Variants in MACROH2A1 observed in about 807,000 individuals in gnomAD.
MACROH2A1 encodes macroH2A.1 histone.
MACROH2A1 carries 2 observed loss-of-function variants against 31.6 expected under a neutral mutation model. The observed-to-expected ratio is 0.06, with a 90% CI of 0.03 to 0.20. The LOEUF (loss-of-function observed/expected upper bound fraction) is 0.20, where lower values mean the gene tolerates loss of function less well. Ranked by LOEUF, MACROH2A1 falls within the 10% of genes least tolerant of loss-of-function variation. The pLI is 1.00. For missense variants in MACROH2A1, 230 were observed against 474.0 expected, an observed-to-expected ratio of 0.49 and a Z score of 4.78; for synonymous variants, 169 against 189.6, an observed-to-expected ratio of 0.89 and a Z score of 0.89.
At chr5:135,355,503 CAA>C (rs774660015) in intron 5 of MACROH2A1, 5 of 276,826 alleles carry the variant, frequency 1.8e-5, no homozygotes, top group Non-Finnish European at 3.6e-5. Context: ...AGCTGAGCCA[CAA>C]AAGTTTTTTT....
chr5:135,368,100 G>T (rs1763743431), intron 4 of MACROH2A1, among the ~76,000 whole-genome samples: 1 of 152,200 alleles, frequency 6.6e-6, no homozygotes, highest in South Asian at 2.1e-4. Flanking sequence ...GTGATTCTGG[G>T]CCTAAGGGTG....
chr5:135,336,787 T>C (rs534210558), intron 8 of MACROH2A1, among the ~76,000 whole-genome samples: 1 of 152,314 alleles, frequency 6.6e-6, no homozygotes, highest in East Asian at 1.9e-4. Flanking sequence ...CTGCCCTGAC[T>C]ATATTCACAG....
Position 135,367,485 on chromosome 5 carries a change from A to G in MACROH2A1, c.477+1921T>C, listed in dbSNP as rs13436280. 5.4e-3 allele frequency among the ~76,000 whole-genome samples: 826 copies of G among 152,362 alleles called. 8 individuals are homozygous for G. Among genetic ancestry groups the G allele is most frequent in the African/African-American group, 0.018 (762 of 41,590 alleles). ...GGAGCTAAAGACACCCCCACTCCAA[A>G]TACTTCAAGTCCAAAAAGTAAGATG... On this transcript the variant is annotated intron_variant, in intron 4 of 8. Coordinates refer to ENST00000511689, the MANE Select transcript of MACROH2A1 (RefSeq NM_138610.3).
rs540277562 is a variant in MACROH2A1, at chr5:135,398,041, T to C, written c.-34+1021A>G. On this transcript the variant is annotated intron_variant, in intron 1 of 8. Coordinates refer to ENST00000511689, the MANE Select transcript of MACROH2A1 (RefSeq NM_138610.3). This position sits in a 1 kb window ranked among gnomAD's most constrained non-coding sequence, Gnocchi z 4.6. ...GGTCATTAAAATCTTACAAGGCCTT[T>C]ATAGTCATTGTAATTGTTGAATTCA... Among the ~76,000 whole-genome samples, 1 of 152,174 alleles carries C rather than the reference T, an allele frequency of 6.6e-6. No individual in the cohort carries two copies. Among genetic ancestry groups the C allele is most frequent in the Non-Finnish European group, 1.5e-5 (1 of 68,018 alleles).
At chr5:135,356,495 A>G (rs1328136435) in intron 5 of MACROH2A1, 1 of 152,288 alleles carries the variant, frequency 6.6e-6, no homozygotes, top group East Asian at 1.9e-4. Context: ...CTGGGCATGT[A>G]GAGTTAGAAC....
chr5:135,343,834 G>A lies in MACROH2A1; in HGVS notation c.779-400C>T, dbSNP rs1760363270. 6 of 253,108 alleles carry A rather than the reference G, an allele frequency of 2.4e-5. 1 individual carries two copies. Among genetic ancestry groups the A allele is most frequent in the South Asian group, 2.2e-4 (4 of 17,862 alleles). 15.7% of individuals were successfully genotyped at this position (253,108 alleles called of 1,614,324 possible). ...ACCCTTCTTCTTCAAGTCGACTGGTGTGCTAATTATCGACTTGCACACCAA... is the reference window on the plus strand; with the variant it reads ...ACCCTTCTTCTTCAAGTCGACTGGTATGCTAATTATCGACTTGCACACCAA... On this transcript the variant is annotated intron_variant, in intron 7 of 8. Transcript: ENST00000511689.
At chr5:135,383,702 T>TGTG (rs1554099987) in intron 2 of MACROH2A1, among the ~76,000 whole-genome samples, 9 of 73,348 alleles carry the variant, frequency 1.2e-4, no homozygotes, top group African/African-American at 7.5e-4. Flanking sequence ...TGTGGTGTGG[T>TGTG]GTGTGTGTGT....
Position 135,389,051 on chromosome 5 carries a change from T to C in MACROH2A1, c.43A>G (p.Arg15Gly). ...AAGATGACTCCTGCTTTGGCAGACCTGGACGTCTTGGTGGACTTCTTCTTC... is the reference window on the plus strand; with the variant it reads ...AAGATGACTCCTGCTTTGGCAGACCCGGACGTCTTGGTGGACTTCTTCTTC... The part of the protein sequence containing the change: ...GGKKKSTKTS[R>G]SAKAGVIFPV... The change falls in exon 2 of 9, where the codon AGG (arginine) becomes GGG (glycine). Residue 15 changes from arginine (R) to glycine (G), a missense_variant. Transcript: ENST00000511689. The C allele has an allele frequency of 1.2e-6, 2 of 1,614,022 alleles. No homozygotes were observed. Among genetic ancestry groups the C allele is most frequent in the Non-Finnish European group, 1.7e-6 (2 of 1,179,874 alleles).
rs1761482548 is a variant in MACROH2A1 at position 135,351,099 on chromosome 5, T to G, written c.688+1847A>C. On this transcript the variant is annotated intron_variant, in intron 6 of 8. Transcript: ENST00000511689. ...GGTGAGGACAGGAGGAGGAGGAATA[T>G]CAAATGTGACATGTTTAAATTAAAC... 1.0e-5 allele frequency: 5 copies of G among 478,970 alleles called. No homozygotes were observed. In the South Asian group the frequency reaches 1.9e-4, roughly 18 times the overall value. 29.7% of individuals were successfully genotyped at this position (478,970 alleles called of 1,614,324 possible).
intron 6 of MACROH2A1, among the ~76,000 whole-genome samples, chr5:135,349,306 C>T (rs964364420): frequency 6.6e-5 from 10 of 152,174 alleles, no homozygotes; most frequent in African/African-American, 2.2e-4. Context: ...TAAGTACTTC[C>T]TTTCTATCAA....
chr5:135,346,178 C>T, intron 6 of MACROH2A1, 121 bp from the exon 7 acceptor site: 2 of 715,160 alleles, frequency 2.8e-6, no homozygotes, highest in Non-Finnish European at 5.2e-6. Context: ...GGCTGCAAAA[C>T]AGGAACTAAG....
chr5:135,373,727 T>C (rs1581273370), intron 2 of MACROH2A1, among the ~76,000 whole-genome samples: 2 of 152,274 alleles, frequency 1.3e-5, no homozygotes, highest in East Asian at 3.9e-4. Context: ...TCTTCCTTTT[T>C]GCAAAACCCC....
chr5:135,340,397 A>G (rs994715570), intron 8 of MACROH2A1, among the ~76,000 whole-genome samples: 2 of 152,190 alleles, frequency 1.3e-5, no homozygotes, highest in African/African-American at 4.8e-5. Context: ...TTTTCCTTTT[A>G]AGCTTATAAA....
chr5:135,368,814 A>C (rs1464592856), intron 4 of MACROH2A1, among the ~76,000 whole-genome samples: 1 of 152,128 alleles, frequency 6.6e-6, no homozygotes, highest in Non-Finnish European at 1.5e-5. Flanking sequence ...GGCCTTCTCC[A>C]CCCAAGATGA....
At chr5:135,337,326 G>A (rs1404963625) in intron 8 of MACROH2A1, among the ~76,000 whole-genome samples, 2 of 152,086 alleles carry the variant, frequency 1.3e-5, no homozygotes, top group African/African-American at 4.8e-5. Context: ...CAAGCTGGGT[G>A]AGATGTGGTA....
At chr5:135,396,641 G>C (rs1768028899) in intron 1 of MACROH2A1, among the ~76,000 whole-genome samples, 1 of 151,910 alleles carries the variant, frequency 6.6e-6, no homozygotes, top group South Asian at 2.1e-4. Flanking sequence ...GCTCACTCCT[G>C]GCTAGGTTAC....
chr5:135,369,395 A>C lies in MACROH2A1; in HGVS notation c.477+11T>G. 1 of 1,611,840 alleles carries C rather than the reference A, an allele frequency of 6.2e-7. No homozygotes were observed. Among genetic ancestry groups the C allele is most frequent in the Non-Finnish European group, 8.5e-7 (1 of 1,177,968 alleles). Reference sequence around the variant, plus strand: ...CTATCCCACTTCATACATTCTGGCCAAATCACATACCTTGGATTTCCGGGC... The same window carrying C: ...CTATCCCACTTCATACATTCTGGCCCAATCACATACCTTGGATTTCCGGGC... On this transcript the variant is annotated intron_variant, in intron 4 of 8. Transcript: ENST00000511689. The surrounding 1 kb of genome is among the most constrained non-coding windows in gnomAD (Gnocchi z 4.3).
chr5:135,392,001 C>T (rs1165736168), intron 1 of MACROH2A1, among the ~76,000 whole-genome samples: 1 of 152,194 alleles, frequency 6.6e-6, no homozygotes, highest in Non-Finnish European at 1.5e-5. Context: ...TTCCTGTCAC[C>T]CCAGCCCTGG....
intron 2 of MACROH2A1, 128 bp downstream of exon 2, chr5:135,388,794 C>G: frequency 5.5e-6 from 4 of 728,708 alleles, no homozygotes; most frequent in Non-Finnish European, 8.8e-6. Context: ...GTTCCTTGTA[C>G]TCTTCTTGTA....
Sources: gnomAD v4.1 joint callset for allele counts (sites outside exome capture counted in the v4.1 genomes callset) on GRCh38, gnomAD v4.1.1 for gene constraint, Gnocchi (gnomAD v3.1) non-coding constraint, MANE v1.5 for transcripts, NCBI Gene and HGNC (gene_info 2026-07-23, HGNC 2026-07-21) for gene names.